The following ITGA11 variants were observed in gnomAD, a reference collection of about 807,000 sequenced individuals.
ITGA11 encodes the protein integrin alpha-11.
Under a neutral mutation model 141.9 loss-of-function variants are expected in ITGA11, and 97 were observed. The observed-to-expected ratio is 0.68, with a 90% CI of 0.58 to 0.81. ITGA11 has a LOEUF of 0.81. ITGA11 is among the 30% of genes least tolerant of loss of function. ITGA11 has a pLI of 0.00. For missense variants in ITGA11, 1,387 were observed against 1,559.2 expected (o/e 0.89, Z 1.86); for synonymous variants, 658 against 624.6 (o/e 1.05, Z -0.80).
intron 2 of ITGA11, among the ~76,000 whole-genome samples, chr15:68,390,870 T>G (rs1411105991): frequency 6.6e-6 from 1 of 152,222 alleles, no homozygotes; most frequent in African/African-American, 2.4e-5. Flanking sequence ...TGGCAGAGGC[T>G]TCGCACTTCA....
rs774347312 is a variant in ITGA11 at position 68,303,763 on chromosome 15, GGC to G, written c.3495+7_3495+8del. On this transcript the variant is annotated splice_region_variant and intron_variant, in intron 29 of 29. Coordinates refer to ENST00000315757, the MANE Select transcript of ITGA11 (RefSeq NM_001004439.2). This position sits in a 1 kb window ranked among gnomAD's most constrained non-coding sequence, Gnocchi z 5.3. ...TGCTGCTCCTTCCCTCCCCTGCCAG[GGC>G]CCTCACCTTCCACAGTGCCAGGACC... The G allele has an allele frequency of 1.8e-5, 29 of 1,587,998 alleles. No individual in the cohort carries two copies. Among genetic ancestry groups the G allele is most frequent in the Non-Finnish European group, 2.4e-5 (28 of 1,159,028 alleles).
chr15:68,365,062 C>T, intron 3 of ITGA11: 2 of 873,184 alleles, frequency 2.3e-6, no homozygotes, highest in Non-Finnish European at 2.7e-6. Context: ...CCTTCTATCT[C>T]CTAGCCCACA....
rs183189302 is a variant in ITGA11, at chr15:68,401,754, T to C, written c.164+1164A>G. On this transcript the variant is annotated intron_variant, in intron 2 of 29. Transcript: ENST00000315757. ...GGAAGCTGGAAATGGTGGATATATCTCTGGGAGGTGATTACATAGGTGTAT... is the reference window on the plus strand; with the variant it reads ...GGAAGCTGGAAATGGTGGATATATCCCTGGGAGGTGATTACATAGGTGTAT... 7.4e-4 allele frequency among the ~76,000 whole-genome samples: 112 copies of C among 152,266 alleles called. 1 individual carries two copies. The highest frequency in any genetic ancestry group is 2.6e-3 in the African/African-American group (108 of 41,556).
At chr15:68,431,554 C>T (rs1897271333) in intron 1 of ITGA11, among the ~76,000 whole-genome samples, 4 of 152,156 alleles carry the variant, frequency 2.6e-5, no homozygotes. Context: ...GCCCGGCTCT[C>T]CAAACTTTGA....
intron 2 of ITGA11, among the ~76,000 whole-genome samples, chr15:68,373,466 C>T (rs1026509515): frequency 6.6e-6 from 1 of 152,210 alleles, no homozygotes; most frequent in African/African-American, 2.4e-5. Context: ...ACTTTCCATG[C>T]ATAGGAGTTC....
intron 13 of ITGA11, 111 bp downstream of exon 13, chr15:68,332,227 G>C: frequency 7.3e-7 from 1 of 1,361,554 alleles, no homozygotes; most frequent in South Asian, 1.4e-5. Context: ...ATTCTCCCCA[G>C]GCCTGGCTCC....
At chr15:68,416,335 G>A (rs1381350651) in intron 1 of ITGA11, among the ~76,000 whole-genome samples, 1 of 152,134 alleles carries the variant, frequency 6.6e-6, no homozygotes, top group African/African-American at 2.4e-5. Flanking sequence ...AACAAATGTC[G>A]GCTAGGGCAG....
At chr15:68,400,633 AT>A (rs1896452645) in intron 2 of ITGA11, among the ~76,000 whole-genome samples, 9 of 75,018 alleles carry the variant, frequency 1.2e-4, no homozygotes, top group African/African-American at 4.4e-4. Flanking sequence ...TATAATAAAT[AT>A]TATAATATTA....
intron 2 of ITGA11, among the ~76,000 whole-genome samples, chr15:68,387,716 G>A (rs72745254): frequency 0.055 from 8,296 of 152,064 alleles, 354 homozygotes; most frequent in East Asian, 0.11. Flanking sequence ...TGCCCAGCCC[G>A]GCCCCTTCAG....
chr15:68,413,796 G>A (rs943590995), intron 1 of ITGA11, among the ~76,000 whole-genome samples: 1 of 152,230 alleles, frequency 6.6e-6, no homozygotes, highest in African/African-American at 2.4e-5. Flanking sequence ...TGGAAACCAG[G>A]CAGTGTGGAG....
intron 2 of ITGA11, among the ~76,000 whole-genome samples, chr15:68,374,379 G>GA (rs1895673941): frequency 2.0e-5 from 1 of 50,008 alleles, no homozygotes; most frequent in South Asian, 1.0e-3. Context: ...CAGGCCTCGA[G>GA]ACATCAGAGC....
chr15:68,385,173 AGTTTCC>A (rs1274894022), intron 2 of ITGA11, among the ~76,000 whole-genome samples: 2 of 152,248 alleles, frequency 1.3e-5, no homozygotes, highest in African/African-American at 2.4e-5. Context: ...GATGTGCTTG[AGTTTCC>A]ATTGCTTGGA....
intron 1 of ITGA11, among the ~76,000 whole-genome samples, chr15:68,404,384 G>A (rs75215645): frequency 0.037 from 5,695 of 152,208 alleles, 172 homozygotes; most frequent in African/African-American, 0.084. Context: ...CCCAAGGGTC[G>A]CCCCTGTTTG....
At chr15:68,343,109 C>T (rs185929683) in intron 10 of ITGA11, among the ~76,000 whole-genome samples, 37 of 151,942 alleles carry the variant, frequency 2.4e-4, no homozygotes, top group Non-Finnish European at 3.1e-4. Flanking sequence ...CTTAGCAGGG[C>T]ACTTGGCAGC....
rs1245958387 is a variant in ITGA11 at position 68,317,252 on chromosome 15, C to T, written c.2715+13G>A. The T allele has an allele frequency of 2.0e-6, 3 of 1,532,204 alleles. No homozygotes were observed. The highest frequency in any genetic ancestry group is 2.2e-5 in the South Asian group (2 of 89,436). 94.9% of individuals were successfully genotyped at this position (1,532,204 alleles called of 1,614,324 possible). ...CCACCCTGACCCTCCCCCACATTGTCCCCAGTCTCAACCTTGGCCTTGGCC... is the reference window on the plus strand; with the variant it reads ...CCACCCTGACCCTCCCCCACATTGTTCCCAGTCTCAACCTTGGCCTTGGCC... On this transcript the variant is annotated intron_variant, in intron 21 of 29. Coordinates refer to ENST00000315757, the MANE Select transcript of ITGA11 (RefSeq NM_001004439.2).
intron 2 of ITGA11, among the ~76,000 whole-genome samples, chr15:68,400,705 A>T (rs1436673280): frequency 3.7e-5 from 1 of 27,080 alleles, no homozygotes; most frequent in African/African-American, 2.2e-4. Flanking sequence ...ATATTATATA[A>T]TAAATATTAT....
intron 2 of ITGA11, among the ~76,000 whole-genome samples, chr15:68,399,223 C>T (rs1251112677): frequency 6.6e-6 from 1 of 152,008 alleles, no homozygotes; most frequent in Admixed American, 6.6e-5. Context: ...TGGAAAAATA[C>T]TCCACATCAC....
At chr15:68,392,372 C>T (rs983019842) in intron 2 of ITGA11, among the ~76,000 whole-genome samples, 15 of 152,206 alleles carry the variant, frequency 9.9e-5, no homozygotes, top group Admixed American at 2.0e-4. Flanking sequence ...AGCTGAAACC[C>T]TGTTCACCCC....
intron 1 of ITGA11, among the ~76,000 whole-genome samples, chr15:68,425,395 A>G (rs16952056): frequency 0.01 from 1,564 of 152,332 alleles, 28 homozygotes; most frequent in African/African-American, 0.036. Context: ...TGCATGTGTC[A>G]TATGTGGTTT....
Sources: gnomAD v4.1 joint callset for allele counts (sites outside exome capture counted in the v4.1 genomes callset) on GRCh38, gnomAD v4.1.1 for gene constraint, Gnocchi (gnomAD v3.1) non-coding constraint, MANE v1.5 for transcripts, NCBI Gene and HGNC (gene_info 2026-07-23, HGNC 2026-07-21) for gene names.